APBA2: variants seen among roughly 807,000 people sequenced by gnomAD.
APBA2 encodes the protein amyloid beta precursor protein binding family A member 2, also known as amyloid-beta A4 precursor protein-binding family A member 2.
In APBA2, 30 loss-of-function variants were observed where a neutral mutation model predicts 75.0. The ratio of observed to expected loss-of-function variants is 0.40; its 90% CI spans 0.30 to 0.54. The LOEUF (loss-of-function observed/expected upper bound fraction) is 0.54. Ranked by LOEUF, APBA2 falls within the 20% of genes least tolerant of loss-of-function variation. The probability of loss-of-function intolerance (pLI) is 0.49; values close to 1 mark genes in which losing one functional copy is unlikely to be tolerated. For missense variants in APBA2, 801 were observed against 1,016.1 expected (o/e 0.79, Z 2.88); for synonymous variants, 444 against 409.6 (o/e 1.08, Z -1.01).
At chr15:28,963,997 C>T (rs1234351343) in intron 2 of APBA2, among the ~76,000 whole-genome samples, 1 of 152,212 alleles carries the variant, frequency 6.6e-6, no homozygotes. Flanking sequence ...AGGACTGCCT[C>T]ATGCTACCCC....
chr15:29,035,267 G>A (rs932463225), intron 3 of APBA2, among the ~76,000 whole-genome samples: 12 of 152,140 alleles, frequency 7.9e-5, no homozygotes, highest in Admixed American at 7.9e-4. Context: ...AGAGAACATC[G>A]AATGATTGCA....
At chr15:28,888,846 G>T (rs1424225482) in intron 1 of APBA2, among the ~76,000 whole-genome samples, 2 of 152,186 alleles carry the variant, frequency 1.3e-5, no homozygotes, top group African/African-American at 2.4e-5. Context: ...GACTGGGAAC[G>T]TGGAGGCACA....
chr15:29,039,100 T>G lies in APBA2; in HGVS notation c.-40-14745T>G, dbSNP rs879928194. Among the ~76,000 whole-genome samples the G allele has an allele frequency of 4.1e-3, 107 of 25,990 alleles. 1 individual carries two copies. Among genetic ancestry groups the G allele is most frequent in the South Asian group, 0.032 (15 of 462 alleles). The allele number at this position is 25,990 out of a possible 152,430, so 17.1% of individuals were successfully genotyped here. On this transcript the variant is annotated intron_variant, in intron 3 of 14. Coordinates refer to ENST00000683413, the MANE Select transcript of APBA2 (RefSeq NM_001353788.2). ...GCCTTATTTCAGCTGTATGTCAGGGTGTGTGTGTGTGTGTGTGTGTGTGTG... is the reference window on the plus strand; with the variant it reads ...GCCTTATTTCAGCTGTATGTCAGGGGGTGTGTGTGTGTGTGTGTGTGTGTG...
chr15:28,900,092 G>A (rs933573843), intron 1 of APBA2, among the ~76,000 whole-genome samples: 2 of 152,134 alleles, frequency 1.3e-5, no homozygotes, highest in African/African-American at 4.8e-5. Context: ...CAGACAGGGG[G>A]ACTGGGCCGT....
chr15:28,918,461 G>C lies in APBA2; in HGVS notation c.-204-3179G>C, dbSNP rs2033792948. ...TCCTTGGAGGAAGCAGGACTCCCAG[G>C]TGGGAGAGGTGAAGCAGATGGCTTC... is the stretch of plus-strand genomic sequence containing the variant. On this transcript the variant is annotated intron_variant, in intron 1 of 14. Coordinates refer to ENST00000683413, the MANE Select transcript of APBA2 (RefSeq NM_001353788.2). This position sits in a 1 kb window ranked among gnomAD's most constrained non-coding sequence, Gnocchi z 4.2. Among the ~76,000 whole-genome samples the C allele has an allele frequency of 6.6e-6, 1 of 152,220 alleles. No individual in the cohort carries two copies. Among genetic ancestry groups the C allele is most frequent in the South Asian group, 2.1e-4 (1 of 4,838 alleles).
chr15:28,986,686 T>G (rs1333791657), intron 2 of APBA2, among the ~76,000 whole-genome samples: 1 of 152,070 alleles, frequency 6.6e-6, no homozygotes, highest in Non-Finnish European at 1.5e-5. Context: ...AGGCTGGTCT[T>G]GAACTCCTGA....
At chr15:28,910,063 GA>G (rs1174039822) in intron 1 of APBA2, among the ~76,000 whole-genome samples, 2 of 152,164 alleles carry the variant, frequency 1.3e-5, no homozygotes, top group Non-Finnish European at 2.9e-5. Flanking sequence ...ATTATTTAGA[GA>G]GGTGGAAAAC....
At chr15:28,920,699 G>A (rs936967594) in intron 1 of APBA2, among the ~76,000 whole-genome samples, 4 of 152,216 alleles carry the variant, frequency 2.6e-5, no homozygotes, top group Admixed American at 6.5e-5. Flanking sequence ...GGATGTTAAA[G>A]CTGGAGGAAC....
At chr15:28,963,820 A>G (rs1188735730) in intron 2 of APBA2, among the ~76,000 whole-genome samples, 1 of 152,216 alleles carries the variant, frequency 6.6e-6, no homozygotes, top group Non-Finnish European at 1.5e-5. Flanking sequence ...CGATAGTACA[A>G]TAGTCAAACC....
chr15:29,107,168 A>C (rs929282146), intron 12 of APBA2, among the ~76,000 whole-genome samples: 1 of 152,148 alleles, frequency 6.6e-6, no homozygotes, highest in Non-Finnish European at 1.5e-5. Flanking sequence ...TAGCACTGAA[A>C]GTCCGGCTTC....
At chr15:28,954,500 G>C (rs1239558619) in intron 2 of APBA2, among the ~76,000 whole-genome samples, 2 of 152,128 alleles carry the variant, frequency 1.3e-5, no homozygotes, top group Non-Finnish European at 2.9e-5. Flanking sequence ...TGCGGACTTT[G>C]GTACTGGCCC....
intron 3 of APBA2, among the ~76,000 whole-genome samples, chr15:28,996,854 G>A (rs897808023): frequency 5.3e-5 from 8 of 152,198 alleles, no homozygotes; most frequent in African/African-American, 1.7e-4. Context: ...CCAAGGCAAG[G>A]AACACTTTGT....
At chr15:29,081,071 C>T (rs1332385664) in intron 6 of APBA2, among the ~76,000 whole-genome samples, 2 of 152,202 alleles carry the variant, frequency 1.3e-5, no homozygotes, top group African/African-American at 4.8e-5. Flanking sequence ...AGACCTGGAG[C>T]TGAGCTCACC....
At chr15:29,035,594 G>A (rs2040705561) in intron 3 of APBA2, among the ~76,000 whole-genome samples, 1 of 152,108 alleles carries the variant, frequency 6.6e-6, no homozygotes, top group South Asian at 2.1e-4. Context: ...TGTTTTTCTG[G>A]GACATCATCA....
At chr15:28,889,598 T>TC (rs1022760946) in intron 1 of APBA2, among the ~76,000 whole-genome samples, 188 of 152,326 alleles carry the variant, frequency 1.2e-3, no homozygotes, top group African/African-American at 4.1e-3. Flanking sequence ...CCCTGGGTTG[T>TC]CCCCACCCCA....
In APBA2 at chr15:29,025,717, C is replaced by T. The variant is rs530933512; in HGVS notation, c.-40-28128C>T. Among the ~76,000 whole-genome samples the T allele has an allele frequency of 2.0e-3, 309 of 151,812 alleles. 1 individual carries two copies. Among genetic ancestry groups the T allele is most frequent in the African/African-American group, 7.2e-3 (299 of 41,450 alleles). On this transcript the variant is annotated intron_variant, in intron 3 of 14. Transcript: ENST00000683413. ...CTATAATCCCAGCAATTTGCGAGGC[C>T]GAGGCGGGCAGATCACCTGAGGTCA...
chr15:28,930,034 C>A (rs970206313), intron 2 of APBA2, among the ~76,000 whole-genome samples: 1 of 152,112 alleles, frequency 6.6e-6, no homozygotes, highest in African/African-American at 2.4e-5. Flanking sequence ...ATTCGCATCT[C>A]TATAAAAACA....
intron 2 of APBA2, among the ~76,000 whole-genome samples, chr15:28,992,568 C>T (rs575487461): frequency 2.0e-5 from 3 of 152,258 alleles, no homozygotes; most frequent in Admixed American, 1.3e-4. Flanking sequence ...AAACCTCGTG[C>T]GTGGTGTTTG....
At chr15:29,105,701 G>C (rs896878956) in intron 11 of APBA2, 143 bp downstream of exon 11, 1 of 849,518 alleles carries the variant, frequency 1.2e-6, no homozygotes, top group African/African-American at 1.7e-5. Context: ...TGTGCACCTC[G>C]CTCCTGCCTT....
Sources: gnomAD v4.1 joint callset for allele counts (sites outside exome capture counted in the v4.1 genomes callset) on GRCh38, gnomAD v4.1.1 for gene constraint, Gnocchi (gnomAD v3.1) non-coding constraint, MANE v1.5 for transcripts, NCBI Gene and HGNC (gene_info 2026-07-23, HGNC 2026-07-21) for gene names.